STK3: variants seen among roughly 807,000 people sequenced by gnomAD.
STK3 encodes serine/threonine kinase 3, also known as serine/threonine-protein kinase 3.
STK3 carries 41 observed loss-of-function variants against 58.0 expected under a neutral mutation model. The ratio of observed to expected loss-of-function variants is 0.71; its 90% confidence interval spans 0.55 to 0.92. The LOEUF (loss-of-function observed/expected upper bound fraction) is 0.92, where lower values mean the gene tolerates loss of function less well. Ranked by LOEUF, STK3 falls within the 40% of genes least tolerant of loss-of-function variation. STK3 has a pLI of 0.00. For synonymous variants in STK3, 170 were observed against 191.0 expected (o/e 0.89, Z 0.91); for missense variants, 479 against 602.7 (o/e 0.79, Z 2.15).
chr8:98,637,055 A>ATT lies in STK3; in HGVS notation c.685-40888_685-40887dup, dbSNP rs199727972. 1.2e-3 allele frequency among the ~76,000 whole-genome samples: 164 copies of ATT among 140,176 alleles called. 1 individual carries two copies. The highest frequency in any genetic ancestry group is 3.3e-3 in the African/African-American group (126 of 38,540). The allele number at this position is 140,176 out of a possible 152,430, so 92.0% of individuals were successfully genotyped here. On this transcript the variant is annotated intron_variant, in intron 6 of 10. Transcript: ENST00000419617. ...TGACTTAATATACATCATTTGTAAGATTTTTTTTTTTTTTTTTTACAAAAA... is the reference window on the plus strand; with the variant it reads ...TGACTTAATATACATCATTTGTAAGATTTTTTTTTTTTTTTTTTTTACAAAAA...
intron 4 of STK3, among the ~76,000 whole-genome samples, chr8:98,744,594 T>A (rs1393878558): frequency 1.9e-3 from 73 of 38,848 alleles, no homozygotes; most frequent in African/African-American, 3.1e-3. Context: ...GGGTGGGGGG[T>A]GGGGGGAGGG....
downstream of STK3, among the ~76,000 whole-genome samples, chr8:98,368,035 T>G (rs1327494895): frequency 6.7e-6 from 1 of 150,232 alleles, no homozygotes. Flanking sequence ...GCTCTGGCCA[T>G]GGCCCCAGGG....
chr8:98,680,463 G>A (rs1417685880), intron 6 of STK3, among the ~76,000 whole-genome samples: 6 of 152,284 alleles, frequency 3.9e-5, no homozygotes, highest in South Asian at 4.1e-4. Context: ...AACAAAAGCC[G>A]ATGCTATGAT....
chr8:98,816,954 T>C (rs962968337), intron 1 of STK3, among the ~76,000 whole-genome samples: 4 of 152,220 alleles, frequency 2.6e-5, no homozygotes, highest in African/African-American at 9.6e-5. Flanking sequence ...GTGATCTATT[T>C]CTCAACCTGA....
chr8:98,860,841 G>A (rs1836906733), intron 3 of STK3, among the ~76,000 whole-genome samples: 2 of 152,114 alleles, frequency 1.3e-5, no homozygotes, highest in African/African-American at 2.4e-5. Flanking sequence ...GACACCTTGA[G>A]TCCAGGAGTT....
chr8:98,869,720 A>C (rs1837297427), intron 3 of STK3, among the ~76,000 whole-genome samples: 1 of 152,016 alleles, frequency 6.6e-6, no homozygotes, highest in Admixed American at 6.5e-5. Flanking sequence ...TAAAATTTGA[A>C]TCCATTTATA....
intron 4 of STK3, among the ~76,000 whole-genome samples, chr8:98,717,541 G>C (rs748166166): frequency 2.0e-5 from 3 of 152,178 alleles, no homozygotes; most frequent in Non-Finnish European, 4.4e-5. Context: ...AAGAAGTAGA[G>C]AAATTGGAAA....
At chr8:98,719,166 G>A (rs1310129165) in intron 4 of STK3, among the ~76,000 whole-genome samples, 2 of 152,084 alleles carry the variant, frequency 1.3e-5, no homozygotes, top group African/African-American at 2.4e-5. Context: ...GGGCAAGGTG[G>A]TGGTGCTGTC....
intron 8 of STK3, among the ~76,000 whole-genome samples, chr8:98,566,498 T>C (rs1327668633): frequency 6.6e-6 from 1 of 152,148 alleles, no homozygotes; most frequent in Non-Finnish European, 1.5e-5. Context: ...CAAGTATCAA[T>C]ACTTGATGTG....
intron 1 of STK3, among the ~76,000 whole-genome samples, chr8:98,936,476 T>C (rs1430284729): frequency 6.6e-6 from 1 of 152,204 alleles, no homozygotes; most frequent in Non-Finnish European, 1.5e-5. Context: ...TAAATGTACA[T>C]TAAATGAATT....
intron 4 of STK3, among the ~76,000 whole-genome samples, chr8:98,735,174 T>C (rs1445043828): frequency 6.6e-6 from 1 of 152,112 alleles, no homozygotes; most frequent in Non-Finnish European, 1.5e-5. Flanking sequence ...TAATTTTATA[T>C]TCACAGGACA....
At chr8:98,654,483 G>A (rs1821293391) in intron 6 of STK3, among the ~76,000 whole-genome samples, 1 of 152,116 alleles carries the variant, frequency 6.6e-6, no homozygotes, top group Non-Finnish European at 1.5e-5. Context: ...GTTCTGGCCA[G>A]GGCAATTAGG....
At chr8:98,825,970 CGGGCGGGGCCGGTGCCGCGGCGGGT>C (rs1264307297), upstream of STK3, among the ~76,000 whole-genome samples, 2 of 148,472 alleles carry the variant, frequency 1.3e-5, no homozygotes, top group Non-Finnish European at 3.0e-5. Flanking sequence ...CCTGGGTTGG[CGGGCGGGGCCGGTGCCGCGGCGGGT>C]GGGCGGGGCC....
intron 8 of STK3, among the ~76,000 whole-genome samples, chr8:98,555,856 T>C (rs1363385043): frequency 6.6e-6 from 1 of 152,046 alleles, no homozygotes; most frequent in African/African-American, 2.4e-5. Flanking sequence ...CAAATCTAAC[T>C]TGAAGGCTTC....
intron 1 of STK3, among the ~76,000 whole-genome samples, chr8:98,788,442 A>AAAACAAAC (rs551372318): frequency 6.6e-6 from 1 of 151,492 alleles, no homozygotes; most frequent in East Asian, 1.9e-4. Context: ...CATCTCAGAA[A>AAAACAAAC]AAACAAACAA....
chr8:98,773,770 AT>A, intron 2 of STK3, among the ~76,000 whole-genome samples: 1 of 151,500 alleles, frequency 6.6e-6, no homozygotes, highest in Admixed American at 6.6e-5. Flanking sequence ...TGTTCAGCTT[AT>A]TTTTATTTTT....
chr8:98,689,337 C>CA (rs1197685264), intron 6 of STK3, among the ~76,000 whole-genome samples: 2 of 152,058 alleles, frequency 1.3e-5, no homozygotes, highest in African/African-American at 2.4e-5. Context: ...AAAACTATTA[C>CA]AAAAAATCGA....
chr8:98,364,424 A>G, the STK3 span, among the ~76,000 whole-genome samples: 1 of 150,658 alleles, frequency 6.6e-6, no homozygotes, highest in Admixed American at 6.6e-5. Context: ...TGCCTCTCAC[A>G]CTGGGTCTCG....
At chr8:98,810,073 G>A (rs1050570160) in intron 1 of STK3, among the ~76,000 whole-genome samples, 1 of 151,996 alleles carries the variant, frequency 6.6e-6, no homozygotes, top group Non-Finnish European at 1.5e-5. Flanking sequence ...GAGAGAGATG[G>A]GGAGGTGCTA....
Sources: allele counts gnomAD v4.1 joint callset (sites outside exome capture counted in the v4.1 genomes callset), GRCh38; gene constraint gnomAD v4.1.1; transcripts MANE v1.5; gene names NCBI Gene and HGNC (gene_info 2026-07-23, HGNC 2026-07-21).